Variants in TMEM132C observed in about 807,000 individuals in gnomAD.
TMEM132C encodes the protein transmembrane protein 132C, also known as protein phosphatase 1, regulatory subunit 152.
In TMEM132C, 29 loss-of-function variants were observed where a neutral mutation model predicts 61.4. The ratio of observed to expected loss-of-function variants is 0.47; its 90% confidence interval spans 0.35 to 0.64. The LOEUF (loss-of-function observed/expected upper bound fraction) is 0.64. Ranked by LOEUF, TMEM132C falls within the 30% of genes least tolerant of loss-of-function variation. The pLI, the probability that TMEM132C is intolerant of heterozygous loss-of-function variation, is 0.00. For synonymous variants in TMEM132C, 656 were observed against 633.1 expected, an observed-to-expected ratio of 1.04 and a Z score of -0.54; for missense variants, 1,408 against 1,476.9, an observed-to-expected ratio of 0.95 and a Z score of 0.76.
intron 3 of TMEM132C, among the ~76,000 whole-genome samples, chr12:128,585,592 T>C (rs1283172362): frequency 6.6e-6 from 1 of 152,360 alleles, no homozygotes; most frequent in East Asian, 1.9e-4. Flanking sequence ...TTCCCTTAAC[T>C]GAAATATTGT....
chr12:128,355,004 C>A (rs1225136566), intron 1 of TMEM132C, among the ~76,000 whole-genome samples: 1 of 152,180 alleles, frequency 6.6e-6, no homozygotes, highest in African/African-American at 2.4e-5. Context: ...GGAATGTGGG[C>A]AAACCTTTCA....
intron 2 of TMEM132C, among the ~76,000 whole-genome samples, chr12:128,444,425 A>G (rs1017249760): frequency 3.9e-5 from 6 of 152,212 alleles, no homozygotes; most frequent in African/African-American, 1.4e-4. Context: ...GTCTGCGTCC[A>G]GAGGGGTGCT....
At chr12:128,601,107 T>C (rs960215195) in intron 3 of TMEM132C, among the ~76,000 whole-genome samples, 9 of 152,078 alleles carry the variant, frequency 5.9e-5, no homozygotes, top group African/African-American at 2.2e-4. Flanking sequence ...GTTTTAGGAG[T>C]GGACCTTGGA....
At chr12:128,690,592 T>C (rs1954712597) in intron 5 of TMEM132C, among the ~76,000 whole-genome samples, 1 of 152,152 alleles carries the variant, frequency 6.6e-6, no homozygotes, top group Admixed American at 6.5e-5. Flanking sequence ...ATTACAACAT[T>C]GACTAAAGAA....
chr12:128,552,144 G>C (rs1463582520), intron 3 of TMEM132C, among the ~76,000 whole-genome samples: 1 of 152,244 alleles, frequency 6.6e-6, no homozygotes, highest in East Asian at 1.9e-4. Flanking sequence ...ACATGCACCT[G>C]TGCTGTTAGG....
intron 1 of TMEM132C, among the ~76,000 whole-genome samples, chr12:128,407,838 T>G (rs1398376575): frequency 2.0e-5 from 3 of 152,230 alleles, no homozygotes; most frequent in Non-Finnish European, 4.4e-5. Context: ...CAAAGTCTTA[T>G]GCAAAGGTTG....
At chr12:128,271,831 C>A (rs1002592743) in intron 1 of TMEM132C, among the ~76,000 whole-genome samples, 1 of 152,162 alleles carries the variant, frequency 6.6e-6, no homozygotes, top group Non-Finnish European at 1.5e-5. Flanking sequence ...TAGTTAACAC[C>A]TCCATGAGCA....
At chr12:128,541,158 T>C (rs1481843535) in intron 2 of TMEM132C, among the ~76,000 whole-genome samples, 1 of 152,148 alleles carries the variant, frequency 6.6e-6, no homozygotes, top group African/African-American at 2.4e-5. Context: ...TTATGTTGAC[T>C]GGTTTATTAA....
In TMEM132C at chr12:128,670,817, T is replaced by C. The variant is rs184712889; in HGVS notation, c.1449+1257T>C. On this transcript the variant is annotated intron_variant, in intron 5 of 8. Transcript: ENST00000435159. ...CAGCCAAGATTCTGCTCTTTGTCTT[T>C]CCCAGCAAGGAAATTGCTATAACCA... Among the ~76,000 whole-genome samples, 12 of 152,250 alleles carry C rather than the reference T, an allele frequency of 7.9e-5. No individual in the cohort carries two copies. The East Asian group carries it at 2.3e-3, about 29-fold the overall frequency.
chr12:128,426,190 C>T (rs1314885208), intron 2 of TMEM132C, among the ~76,000 whole-genome samples: 2 of 152,230 alleles, frequency 1.3e-5, no homozygotes, highest in East Asian at 3.9e-4. Flanking sequence ...GGAGTCTAGA[C>T]CGCACTCTTA....
At chr12:128,283,591 TTC>T (rs909045781) in intron 1 of TMEM132C, among the ~76,000 whole-genome samples, 12 of 152,148 alleles carry the variant, frequency 7.9e-5, no homozygotes, top group African/African-American at 2.7e-4. Context: ...CTATCTACTG[TTC>T]TCTGTCTACT....
At chr12:128,417,932 A>G (rs937869107) in intron 2 of TMEM132C, among the ~76,000 whole-genome samples, 1 of 152,158 alleles carries the variant, frequency 6.6e-6, no homozygotes, top group African/African-American at 2.4e-5. Context: ...TGTAGCACAG[A>G]GGTTACTAAT....
intron 3 of TMEM132C, among the ~76,000 whole-genome samples, chr12:128,568,935 C>T (rs1874786529): frequency 6.6e-6 from 1 of 152,182 alleles, no homozygotes; most frequent in African/African-American, 2.4e-5. Flanking sequence ...TACTGAGATC[C>T]TTCTCTGCGC....
intron 1 of TMEM132C, among the ~76,000 whole-genome samples, chr12:128,292,038 G>A (rs1453666499): frequency 1.3e-5 from 2 of 152,068 alleles, no homozygotes; most frequent in African/African-American, 4.8e-5. Flanking sequence ...GCTGCGGGGT[G>A]CCCTCCTGTC....
At chr12:128,512,972 A>G (rs557237264) in intron 2 of TMEM132C, among the ~76,000 whole-genome samples, 30 of 152,336 alleles carry the variant, frequency 2.0e-4, no homozygotes, top group Non-Finnish European at 2.9e-4. Flanking sequence ...GGGTACAGCA[A>G]CACCGCTGTC....
At chr12:128,267,819 C>T (rs541496701) in intron 1 of TMEM132C, among the ~76,000 whole-genome samples, 1 of 152,312 alleles carries the variant, frequency 6.6e-6, no homozygotes, top group South Asian at 2.1e-4. Context: ...TGCGGACCTG[C>T]CCCAGCCCCA....
chr12:128,537,160 A>G (rs10847640), intron 2 of TMEM132C, among the ~76,000 whole-genome samples: 83,384 of 152,060 alleles, frequency 0.55, 23,826 homozygotes, highest in Middle Eastern at 0.64. Context: ...GCCCTCTGAC[A>G]TCAAAAGATG....
chr12:128,498,127 G>T (rs770692558), intron 2 of TMEM132C, among the ~76,000 whole-genome samples: 1 of 152,100 alleles, frequency 6.6e-6, no homozygotes, highest in Non-Finnish European at 1.5e-5. Flanking sequence ...TATTTTGATG[G>T]AATGATCCCC....
At chr12:128,603,145 A>AG (rs1385220306) in intron 3 of TMEM132C, among the ~76,000 whole-genome samples, 1 of 151,812 alleles carries the variant, frequency 6.6e-6, no homozygotes, top group East Asian at 1.9e-4. Flanking sequence ...AGAGCAGTGC[A>AG]CGGAGAGAGT....
Sources: gnomAD v4.1 joint callset for allele counts (sites outside exome capture counted in the v4.1 genomes callset) on GRCh38, gnomAD v4.1.1 for gene constraint, MANE v1.5 for transcripts, NCBI Gene and HGNC (gene_info 2026-07-23, HGNC 2026-07-21) for gene names.